The following ASZ1 variants were observed in gnomAD, a reference collection of about 807,000 sequenced individuals.
The protein encoded by ASZ1 is ankyrin repeat, SAM and basic leucine zipper domain containing 1, also known as ankyrin repeat, SAM and basic leucine zipper domain-containing protein 1.
ASZ1 carries 67 observed loss-of-function variants against 61.8 expected under a neutral mutation model. The ratio of observed to expected loss-of-function variants is 1.08; its 90% CI spans 0.89 to 1.33. The LOEUF (loss-of-function observed/expected upper bound fraction) is 1.33, where lower values mean the gene tolerates loss of function less well. ASZ1 is among the 40% of genes most tolerant of loss of function. The pLI is 0.00. For synonymous variants in ASZ1, 193 were observed against 192.7 expected, an observed-to-expected ratio of 1.00 and a Z score of -0.01; for missense variants, 577 against 554.5, an observed-to-expected ratio of 1.04 and a Z score of -0.41.
intron 4 of ASZ1, among the ~76,000 whole-genome samples, chr7:117,419,024 T>C (rs1797051579): frequency 6.6e-6 from 1 of 152,136 alleles, no homozygotes; most frequent in Admixed American, 6.6e-5. Context: ...GTTTAAATAT[T>C]AATTATCCAC....
intron 3 of ASZ1, 72 bp from the exon 4 acceptor site, chr7:117,420,346 A>G: frequency 9.3e-7 from 1 of 1,071,440 alleles, no homozygotes; most frequent in Non-Finnish European, 1.4e-6. Context: ...TTACCACTCA[A>G]AACATTCTAT....
At chr7:117,367,028 A>G (rs1489555176) in intron 12 of ASZ1, among the ~76,000 whole-genome samples, 2 of 152,234 alleles carry the variant, frequency 1.3e-5, no homozygotes, top group Admixed American at 1.3e-4. Flanking sequence ...TATTTGGCAC[A>G]TCCTGCCAAA....
At chr7:117,381,491 G>A (rs190846290) in intron 8 of ASZ1, among the ~76,000 whole-genome samples, 2 of 152,140 alleles carry the variant, frequency 1.3e-5, no homozygotes, top group South Asian at 2.1e-4. Flanking sequence ...TATTTTAACA[G>A]AATGTGCACA....
chr7:117,374,089 AG>A (rs1796095424), intron 10 of ASZ1, among the ~76,000 whole-genome samples: 1 of 152,112 alleles, frequency 6.6e-6, no homozygotes, highest in South Asian at 2.1e-4. Flanking sequence ...TTAAGGAAGA[AG>A]AATGGAGAAA....
rs1264726440 is a variant in ASZ1, at chr7:117,368,660, T to TA, written c.1112dup (p.Thr372AsnfsTer9). 1 of 1,612,988 alleles carries TA rather than the reference T, an allele frequency of 6.2e-7. No homozygotes were observed. The highest frequency in any genetic ancestry group is 8.5e-7 in the Non-Finnish European group (1 of 1,179,444). Reference sequence around the variant, plus strand: ...CAGTAATAACATTCTGTACAGCTGTTATTAAATGGCCACACTGTTTATTTA... The same window carrying TA: ...CAGTAATAACATTCTGTACAGCTGTTAATTAAATGGCCACACTGTTTATTTA... On this transcript the variant is annotated frameshift_variant, in exon 11 of 13. Coordinates refer to ENST00000284629, the MANE Select transcript of ASZ1 (RefSeq NM_130768.3). LOFTEE classifies it high-confidence loss of function.
intron 4 of ASZ1, among the ~76,000 whole-genome samples, chr7:117,406,420 G>T (rs903579990): frequency 7.9e-5 from 12 of 151,966 alleles, no homozygotes; most frequent in Non-Finnish European, 1.6e-4. Context: ...AATAAAAGTT[G>T]GTAATAATAA....
At chr7:117,409,174 G>T (rs369297455) in intron 4 of ASZ1, among the ~76,000 whole-genome samples, 34 of 151,982 alleles carry the variant, frequency 2.2e-4, no homozygotes, top group Admixed American at 4.6e-4. Context: ...AGGATACAAA[G>T]GGTCCTTTAA....
At chr7:117,406,754 CAAA>C (rs57133101) in intron 4 of ASZ1, among the ~76,000 whole-genome samples, 1 of 140,268 alleles carries the variant, frequency 7.1e-6, no homozygotes. Flanking sequence ...AACTCCATCT[CAAA>C]AAAAAAAAAT....
At chr7:117,384,505 CTTTTAAAT>C in intron 6 of ASZ1, among the ~76,000 whole-genome samples, 1 of 152,148 alleles carries the variant, frequency 6.6e-6, no homozygotes, top group South Asian at 2.1e-4. Flanking sequence ...TTTTATAGAG[CTTTTAAAT>C]TACTATAAGT....
Position 117,405,405 on chromosome 7 carries a change from C to T in ASZ1, c.440+14758G>A, listed in dbSNP as rs888608674. On this transcript the variant is annotated intron_variant, in intron 4 of 12. Coordinates refer to ENST00000284629, the MANE Select transcript of ASZ1 (RefSeq NM_130768.3). ...CCCTTGCCTGTGCAGTGACCTCAGCCTCCACGGCTCCTCGACACACAGGAG... is the reference window on the plus strand; with the variant it reads ...CCCTTGCCTGTGCAGTGACCTCAGCTTCCACGGCTCCTCGACACACAGGAG... Among the ~76,000 whole-genome samples, 6 of 152,348 alleles carry T rather than the reference C, an allele frequency of 3.9e-5. No individual in the cohort carries two copies. The East Asian group carries it at 5.8e-4, about 15-fold the overall frequency.
chr7:117,426,644 G>C (rs1797222083), intron 2 of ASZ1, among the ~76,000 whole-genome samples, 192 bp downstream of exon 2: 2 of 152,142 alleles, frequency 1.3e-5, no homozygotes, highest in South Asian at 4.2e-4. Flanking sequence ...AGATAAACAG[G>C]GTGGCATTCC....
intron 5 of ASZ1, 61 bp from the exon 6 acceptor site, chr7:117,384,921 A>G: frequency 7.1e-7 from 1 of 1,403,174 alleles, no homozygotes; most frequent in Non-Finnish European, 9.5e-7. Flanking sequence ...GACAGACAGG[A>G]AAAGTTTTCA....
chr7:117,392,678 A>T (rs1796494039), intron 4 of ASZ1, among the ~76,000 whole-genome samples: 1 of 152,140 alleles, frequency 6.6e-6, no homozygotes, highest in Non-Finnish European at 1.5e-5. Flanking sequence ...TACTGTTCAT[A>T]CAATGTTTTA....
intron 11 of ASZ1, 142 bp from the exon 12 acceptor site, chr7:117,367,607 C>T: frequency 8.7e-7 from 1 of 1,148,866 alleles, no homozygotes; most frequent in Non-Finnish European, 1.1e-6. Context: ...ATACTGACAC[C>T]AAAAATAAGT....
chr7:117,382,032 A>C (rs773050044), intron 8 of ASZ1, 37 bp downstream of exon 8: 17 of 1,259,760 alleles, frequency 1.3e-5, no homozygotes, highest in Non-Finnish European at 2.0e-5. Flanking sequence ...AAATTAACAT[A>C]TATGCATAAC....
intron 4 of ASZ1, among the ~76,000 whole-genome samples, chr7:117,392,927 A>G (rs953851931): frequency 1.3e-5 from 2 of 151,594 alleles, no homozygotes; most frequent in African/African-American, 4.9e-5. Context: ...GCTTACTGCA[A>G]CCTTTGCCTC....
intron 4 of ASZ1, among the ~76,000 whole-genome samples, chr7:117,419,607 G>A (rs1219732419): frequency 6.6e-6 from 1 of 152,148 alleles, no homozygotes; most frequent in Non-Finnish European, 1.5e-5. Context: ...GGAAGCCAAT[G>A]TGATAGAAAT....
chr7:117,419,684 C>G (rs1797063153), intron 4 of ASZ1, among the ~76,000 whole-genome samples: 1 of 152,108 alleles, frequency 6.6e-6, no homozygotes, highest in South Asian at 2.1e-4. Flanking sequence ...TACTGCTTGT[C>G]TTCTATGCAT....
At chr7:117,401,064 G>T (rs935767073) in intron 4 of ASZ1, among the ~76,000 whole-genome samples, 2 of 152,072 alleles carry the variant, frequency 1.3e-5, no homozygotes, top group African/African-American at 2.4e-5. Flanking sequence ...TAATGAAATC[G>T]AAAAGCTAAT....
Sources: gnomAD v4.1 joint callset for allele counts (sites outside exome capture counted in the v4.1 genomes callset) on GRCh38, gnomAD v4.1.1 for gene constraint, MANE v1.5 for transcripts, NCBI Gene and HGNC (gene_info 2026-07-23, HGNC 2026-07-21) for gene names.